Variants in LTBP1 observed in about 807,000 individuals in gnomAD.
LTBP1 encodes the protein latent transforming growth factor beta binding protein 1.
Under a neutral mutation model 207.6 loss-of-function variants are expected in LTBP1, and 129 were observed. The ratio of observed to expected loss-of-function variants is 0.62; its 90% CI spans 0.54 to 0.72. The LOEUF is 0.72. Among genes scored for constraint, LTBP1 ranks in the 30% least tolerant of loss-of-function variants. LTBP1 has a pLI of 0.00. For synonymous variants in LTBP1, 963 were observed against 833.7 expected (o/e 1.16, Z -2.67); for missense variants, 2,281 against 2,217.2 (o/e 1.03, Z -0.58).
Position 33,189,318 on chromosome 2 carries a change from C to T in LTBP1, c.1701+467C>T, listed in dbSNP as rs1169197640. ...TCAAGTGATTCTCCTGCCTTAGCCT[C>T]CTAAGTAGCTGGGATTATAGGCACG... On this transcript the variant is annotated intron_variant, in intron 7 of 33. Transcript: ENST00000404816. Among the ~76,000 whole-genome samples, 3 of 152,188 alleles carry T rather than the reference C, an allele frequency of 2.0e-5. No individual in the cohort carries two copies. The East Asian group carries it at 5.8e-4, about 29-fold the overall frequency.
intron 2 of LTBP1, among the ~76,000 whole-genome samples, 189 bp downstream of exon 2, chr2:32,949,134 C>CA (rs1354222568): frequency 6.6e-6 from 1 of 152,154 alleles, no homozygotes; most frequent in Non-Finnish European, 1.5e-5. Context: ...ATGCCAGCAG[C>CA]AATACATTGT....
At chr2:32,974,324 T>A (rs1681376051) in intron 2 of LTBP1, among the ~76,000 whole-genome samples, 1 of 152,256 alleles carries the variant, frequency 6.6e-6, no homozygotes, top group African/African-American at 2.4e-5. Flanking sequence ...ATTGTAGTTT[T>A]GATTAGCATT....
intron 4 of LTBP1, among the ~76,000 whole-genome samples, chr2:33,130,267 G>T (rs1479878118): frequency 1.3e-5 from 2 of 152,138 alleles, no homozygotes; most frequent in Admixed American, 1.3e-4. Context: ...AAACCGGGTG[G>T]TGGCTTTAAA....
chr2:33,153,957 C>A (rs1468062732), intron 5 of LTBP1, among the ~76,000 whole-genome samples: 1 of 152,178 alleles, frequency 6.6e-6, no homozygotes, highest in Non-Finnish European at 1.5e-5. Context: ...CCCCCTCCTG[C>A]AGGGTCCCTG....
At chr2:33,243,420 G>T (rs561028883) in intron 9 of LTBP1, among the ~76,000 whole-genome samples, 1 of 152,082 alleles carries the variant, frequency 6.6e-6, no homozygotes, top group Non-Finnish European at 1.5e-5. Context: ...ATTTTTATCA[G>T]TTTTTTTCAC....
At chr2:33,226,225 T>C (rs1293703948) in intron 9 of LTBP1, among the ~76,000 whole-genome samples, 1 of 152,218 alleles carries the variant, frequency 6.6e-6, no homozygotes, top group Admixed American at 6.5e-5. Context: ...AATTTCAGTC[T>C]GTGTTTTTTT....
At chr2:33,310,363 G>A (rs568415707) in intron 23 of LTBP1, among the ~76,000 whole-genome samples, 1 of 152,272 alleles carries the variant, frequency 6.6e-6, no homozygotes, top group South Asian at 2.1e-4. Context: ...ACTGTACAGT[G>A]CATGAAGGGT....
intron 24 of LTBP1, among the ~76,000 whole-genome samples, chr2:33,337,990 G>A (rs991710996): frequency 4.6e-5 from 7 of 152,116 alleles, no homozygotes; most frequent in African/African-American, 1.7e-4. Context: ...ATCTCAGAGA[G>A]CTCACATCAT....
Position 33,227,708 on chromosome 2 carries a change from C to T in LTBP1, c.1876+5557C>T, listed in dbSNP as rs568134349. 4.6e-5 allele frequency among the ~76,000 whole-genome samples: 7 copies of T among 151,798 alleles called. No individual in the cohort carries two copies. In the South Asian group the frequency reaches 1.5e-3, roughly 32 times the overall value. The stretch of plus-strand genomic sequence containing the variant: ...CAGACATCAAGGACCCAGTCTTACT[C>T]ACTTTTGTGAACCCAGAGGCCCAAT... On this transcript the variant is annotated intron_variant, in intron 9 of 33. Coordinates refer to ENST00000404816, the MANE Select transcript of LTBP1 (RefSeq NM_206943.4).
At chr2:33,220,473 T>C (rs188545197) in intron 8 of LTBP1, among the ~76,000 whole-genome samples, 7 of 152,336 alleles carry the variant, frequency 4.6e-5, no homozygotes, top group Non-Finnish European at 8.8e-5. Flanking sequence ...TAATTTTAAA[T>C]CTGCAAATGA....
At chr2:32,967,108 A>C (rs1009462325) in intron 2 of LTBP1, among the ~76,000 whole-genome samples, 1 of 152,130 alleles carries the variant, frequency 6.6e-6, no homozygotes, top group Non-Finnish European at 1.5e-5. Flanking sequence ...ATTTGTGGGC[A>C]TAGAATTCAT....
intron 12 of LTBP1, 24 bp from the exon 13 acceptor site, chr2:33,259,564 A>C: frequency 6.3e-7 from 1 of 1,581,866 alleles, no homozygotes; most frequent in Non-Finnish European, 8.6e-7. Context: ...TGGTACTAAT[A>C]CCCTTTTTCT....
chr2:33,254,869 T>A (rs1284154731), intron 11 of LTBP1, among the ~76,000 whole-genome samples: 4 of 123,406 alleles, frequency 3.2e-5, no homozygotes, highest in Non-Finnish European at 6.7e-5. Context: ...TTTTTTTTTT[T>A]TTTTTTTTTT....
chr2:33,214,421 G>A (rs2090534768), intron 7 of LTBP1, among the ~76,000 whole-genome samples: 2 of 152,170 alleles, frequency 1.3e-5, no homozygotes, highest in South Asian at 2.1e-4. Context: ...CGTTGGATCT[G>A]TCTCTCCCTC....
At chr2:33,114,707 T>C (rs2080630282) in intron 4 of LTBP1, among the ~76,000 whole-genome samples, 1 of 152,160 alleles carries the variant, frequency 6.6e-6, no homozygotes, top group African/African-American at 2.4e-5. Context: ...CACACAGCAA[T>C]TGGGAAAGGA....
At chr2:32,998,976 A>G (rs1445937466) in intron 2 of LTBP1, among the ~76,000 whole-genome samples, 1 of 152,224 alleles carries the variant, frequency 6.6e-6, no homozygotes, top group African/African-American at 2.4e-5. Flanking sequence ...TAGTTCCTGG[A>G]CCATCAGCAT....
At chr2:32,960,836 G>T (rs1678987746) in intron 2 of LTBP1, among the ~76,000 whole-genome samples, 3 of 152,136 alleles carry the variant, frequency 2.0e-5, no homozygotes, top group African/African-American at 7.2e-5. Context: ...CTGGCTTGTT[G>T]TGGGAACATA....
At chr2:33,289,403 AG>A (rs1158157541) in intron 19 of LTBP1, among the ~76,000 whole-genome samples, 2 of 152,162 alleles carry the variant, frequency 1.3e-5, no homozygotes, top group East Asian at 3.8e-4. Flanking sequence ...GGTCTTGTCC[AG>A]GCTGGAGTAC....
chr2:33,274,930 A>G (rs752656719), intron 16 of LTBP1, 35 bp from the exon 17 acceptor site: 2 of 1,607,376 alleles, frequency 1.2e-6, no homozygotes, highest in African/African-American at 1.3e-5. Flanking sequence ...CTTGCTACAC[A>G]GAACTAATAT....
Sources: allele counts gnomAD v4.1 joint callset (sites outside exome capture counted in the v4.1 genomes callset), GRCh38; gene constraint gnomAD v4.1.1; transcripts MANE v1.5; gene names NCBI Gene and HGNC (gene_info 2026-07-23, HGNC 2026-07-21).